The following RPTOR variants were observed in gnomAD, a reference collection of about 807,000 sequenced individuals.
RPTOR encodes regulatory associated protein of MTOR complex 1.
RPTOR carries 21 observed loss-of-function variants against 169.9 expected under a neutral mutation model. The ratio of observed to expected loss-of-function variants is 0.12; its 90% confidence interval spans 0.09 to 0.18. RPTOR has a LOEUF of 0.18. Ranked by LOEUF, RPTOR falls within the 10% of genes least tolerant of loss-of-function variation. The pLI, the probability that RPTOR is intolerant of heterozygous loss-of-function variation, is 1.00. For synonymous variants in RPTOR, 732 were observed against 753.2 expected (o/e 0.97, Z 0.46); for missense variants, 1,133 against 1,855.9 (o/e 0.61, Z 7.16).
intron 20 of RPTOR, among the ~76,000 whole-genome samples, chr17:80,908,442 C>T (rs2068571781): frequency 1.3e-5 from 2 of 152,196 alleles, no homozygotes; most frequent in Admixed American, 1.3e-4. Context: ...GCCACATGCA[C>T]CACTACCCAT....
rs544739629 is a variant in RPTOR, at chr17:80,860,827, G to A, written c.1509+2927G>A. ...CTCTCACTCTTTTTCTGGGCCTGGG[G>A]CACTGACCATGGCTCTGCTGGCACG... is the stretch of plus-strand genomic sequence containing the variant. On this transcript the variant is annotated intron_variant, in intron 13 of 33. Transcript: ENST00000306801. This position sits in a 1 kb window ranked among gnomAD's most constrained non-coding sequence, Gnocchi z 5.8. Among the ~76,000 whole-genome samples, 3 of 152,116 alleles carry A rather than the reference G, an allele frequency of 2.0e-5. No individual in the cohort carries two copies. The highest frequency in any genetic ancestry group is 6.5e-5 in the Admixed American group (1 of 15,280).
intron 7 of RPTOR, among the ~76,000 whole-genome samples, chr17:80,798,687 A>G (rs1209968665): frequency 6.6e-6 from 1 of 152,174 alleles, no homozygotes; most frequent in Non-Finnish European, 1.5e-5. Context: ...TCCTGGCCAC[A>G]GGGCTGAGCC....
intron 2 of RPTOR, among the ~76,000 whole-genome samples, chr17:80,631,212 A>G (rs8082303): frequency 0.75 from 114,087 of 151,844 alleles, 43,852 homozygotes; most frequent in African/African-American, 0.9. Context: ...AGGTACAGGA[A>G]TGTGTGCCTG....
intron 24 of RPTOR, 46 bp from the exon 25 acceptor site, chr17:80,940,450 C>A: frequency 1.3e-6 from 2 of 1,542,314 alleles, no homozygotes; most frequent in Non-Finnish European, 1.8e-6. Context: ...CAAGAGACAA[C>A]CCTGTTTCAT....
intron 13 of RPTOR, among the ~76,000 whole-genome samples, chr17:80,870,190 A>G (rs2068037234): frequency 6.6e-6 from 1 of 152,162 alleles, no homozygotes; most frequent in Non-Finnish European, 1.5e-5. Context: ...CCACCAGGGA[A>G]CTCCAAGAGC....
At position 80,633,180 on chromosome 17, in the gene RPTOR, G is replaced by A. The variant is rs1453223866; in HGVS notation, c.265+7387G>A. On this transcript the variant is annotated intron_variant, in intron 2 of 33. Coordinates refer to ENST00000306801, the MANE Select transcript of RPTOR (RefSeq NM_020761.3). The surrounding 1 kb of genome is among the most constrained non-coding windows in gnomAD (Gnocchi z 4.1). ...CCTTTCTGATTCTCTGAGAGAAGGC[G>A]GCTGACATGGTGCTTCAGCACCTCT... 9.8e-5 allele frequency among the ~76,000 whole-genome samples: 15 copies of A among 152,308 alleles called. No individual in the cohort carries two copies. Among genetic ancestry groups the A allele is most frequent in the Middle Eastern group, 3.4e-3 (1 of 294 alleles).
chr17:80,779,971 T>C (rs2066924710), intron 6 of RPTOR, among the ~76,000 whole-genome samples: 1 of 152,124 alleles, frequency 6.6e-6, no homozygotes, highest in Non-Finnish European at 1.5e-5. Context: ...GTACCCAGGC[T>C]CCACTCCTTG....
chr17:80,871,587 TGGAA>T (rs2068053544), intron 13 of RPTOR, among the ~76,000 whole-genome samples: 1 of 152,224 alleles, frequency 6.6e-6, no homozygotes. Flanking sequence ...GGCTGCTCTT[TGGAA>T]GGAAGTCGCT....
intron 1 of RPTOR, among the ~76,000 whole-genome samples, chr17:80,557,155 T>C (rs1471384383): frequency 1.3e-5 from 2 of 152,108 alleles, no homozygotes; most frequent in Non-Finnish European, 2.9e-5. Context: ...ATGTCCTCAT[T>C]ATCACCCTGT....
At chr17:80,571,881 C>T (rs1023455962) in intron 1 of RPTOR, among the ~76,000 whole-genome samples, 86 of 152,220 alleles carry the variant, frequency 5.6e-4, no homozygotes, top group Non-Finnish European at 1.0e-3. Context: ...CTTGCGTTTT[C>T]GTGTGTTGCT....
chr17:80,612,860 T>A (rs2065280874), intron 1 of RPTOR, among the ~76,000 whole-genome samples: 1 of 152,150 alleles, frequency 6.6e-6, no homozygotes, highest in South Asian at 2.1e-4. Context: ...AGAATGAGAC[T>A]TTGTCTCAAA....
At chr17:80,663,655 AAAT>A (rs1342217876) in intron 3 of RPTOR, among the ~76,000 whole-genome samples, 1 of 152,270 alleles carries the variant, frequency 6.6e-6, no homozygotes, top group East Asian at 1.9e-4. Context: ...ACCGTGTGGA[AAAT>A]AATAGAATGA....
intron 5 of RPTOR, among the ~76,000 whole-genome samples, chr17:80,744,047 T>G (rs111622488): frequency 2.2e-4 from 12 of 54,650 alleles, no homozygotes; most frequent in African/African-American, 1.0e-3. Context: ...CCCTGGTTAC[T>G]AGCACAGCCC....
intron 26 of RPTOR, among the ~76,000 whole-genome samples, chr17:80,946,615 G>T: frequency 6.6e-6 from 1 of 152,388 alleles, no homozygotes; most frequent in South Asian, 2.1e-4. Flanking sequence ...GCTCAGCGCA[G>T]TGTCTTTAAG....
In RPTOR at chr17:80,923,638, C is replaced by T. The variant is rs2143981674; in HGVS notation, c.2773C>T (p.Arg925Trp). 1 of 1,608,336 alleles carries T rather than the reference C, an allele frequency of 6.2e-7. No homozygotes were observed. The highest frequency in any genetic ancestry group is 8.5e-7 in the Non-Finnish European group (1 of 1,176,260). Residue 925 changes from arginine (R) to tryptophan (W), a missense_variant, in exon 23 of 34, where the codon CGG becomes TGG. Physicochemically the swap from Arg to Trp is moderately radical, Grantham distance 101 (BLOSUM62 -3). Around this residue, in one of 9 missense-constraint regions of RPTOR, gnomAD observed 410 missense variants for 623.7 expected, o/e 0.66. Coordinates refer to ENST00000306801, the MANE Select transcript of RPTOR (RefSeq NM_020761.3). Reference sequence around the variant, plus strand: ...CACCCCTCACTCCCACCAGTTCCCCCGGACACGGAAGATGTTCGACAAGGG... The same window carrying T: ...CACCCCTCACTCCCACCAGTTCCCCTGGACACGGAAGATGTTCGACAAGGG... ...QYTPHSHQFP[R>W]TRKMFDKGPE...
chr17:80,853,344 G>A (rs962694849), intron 11 of RPTOR, among the ~76,000 whole-genome samples: 1 of 152,164 alleles, frequency 6.6e-6, no homozygotes, highest in Non-Finnish European at 1.5e-5. Flanking sequence ...AGGACCCGCT[G>A]CCCAGCTGTG....
intron 28 of RPTOR, among the ~76,000 whole-genome samples, chr17:80,956,930 C>T (rs1159930519): frequency 3.3e-5 from 5 of 152,216 alleles, no homozygotes; most frequent in Admixed American, 2.0e-4. Context: ...GGCTCTGCTC[C>T]GAACAGTGGA....
intron 5 of RPTOR, among the ~76,000 whole-genome samples, chr17:80,747,136 G>C (rs1301226246): frequency 6.6e-6 from 1 of 152,344 alleles, no homozygotes; most frequent in Non-Finnish European, 1.5e-5. Flanking sequence ...TGAATCGCTT[G>C]AACCTGGAGG....
intron 3 of RPTOR, among the ~76,000 whole-genome samples, chr17:80,670,042 T>G (rs1433965266): frequency 6.6e-6 from 1 of 152,170 alleles, no homozygotes. Flanking sequence ...GTACAAGAGA[T>G]CTGAATAATA....
Sources: allele counts gnomAD v4.1 joint callset (sites outside exome capture counted in the v4.1 genomes callset), GRCh38; gene constraint gnomAD v4.1.1; regional missense constraint gnomAD v4.1.1; non-coding constraint Gnocchi (gnomAD v3.1); transcripts MANE v1.5; gene names NCBI Gene and HGNC (gene_info 2026-07-23, HGNC 2026-07-21).